The following HDAC9 variants were observed in gnomAD, a reference collection of about 807,000 sequenced individuals.
HDAC9 encodes histone deacetylase 9, also known as MEF-2 interacting transcription repressor (MITR) protein.
Under a neutral mutation model 139.4 loss-of-function variants are expected in HDAC9, and 41 were observed. The ratio of observed to expected loss-of-function variants is 0.29; its 90% CI spans 0.23 to 0.38. HDAC9 has a LOEUF of 0.38. HDAC9 is among the 10% of genes least tolerant of loss of function. The probability of loss-of-function intolerance (pLI) is 1.00; values close to 1 mark genes in which losing one functional copy is unlikely to be tolerated. For missense variants in HDAC9, 1,147 were observed against 1,297.0 expected (o/e 0.88, Z 1.78); for synonymous variants, 517 against 476.2 (o/e 1.09, Z -1.12).
At chr7:18,774,825 T>G (rs1406395443) in intron 16 of HDAC9, among the ~76,000 whole-genome samples, 2 of 152,072 alleles carry the variant, frequency 1.3e-5, no homozygotes, top group African/African-American at 4.8e-5. Context: ...AAACTTTTCC[T>G]TTGCATTCAC....
At chr7:18,528,728 C>T (rs1462991886) in intron 2 of HDAC9, among the ~76,000 whole-genome samples, 2 of 152,048 alleles carry the variant, frequency 1.3e-5, no homozygotes, top group Non-Finnish European at 1.5e-5. Flanking sequence ...GTGATAGATA[C>T]ATAAGGAGAC....
rs562842397 is a variant in HDAC9 at position 18,843,366 on chromosome 7, G to A, written c.2684+7369G>A. On this transcript the variant is annotated intron_variant, in intron 21 of 25. Transcript: ENST00000686413. Reference sequence around the variant, plus strand: ...GTGGAGCATTTTAAGGCCAGAAATAGCAGACATTTTGGACTGTCAAGGAGC... The same window carrying A: ...GTGGAGCATTTTAAGGCCAGAAATAACAGACATTTTGGACTGTCAAGGAGC... Among the ~76,000 whole-genome samples the A allele has an allele frequency of 2.3e-4, 35 of 152,156 alleles. No homozygotes were observed. In the South Asian group the frequency reaches 7.3e-3, roughly 32 times the overall value.
rs570290685 is a variant in HDAC9 at position 18,463,587 on chromosome 7, G to A, written c.-41-32675G>A. On this transcript the variant is annotated intron_variant, in intron 1 of 3. Transcript: ENST00000413509. ...TTGTTTGAATTTACTGAACCTCTTTGTTCTGCATATTTTTTCTATTTAAAT... is the reference window on the plus strand; with the variant it reads ...TTGTTTGAATTTACTGAACCTCTTTATTCTGCATATTTTTTCTATTTAAAT... Among the ~76,000 whole-genome samples the A allele has an allele frequency of 1.6e-4, 24 of 151,568 alleles. No homozygotes were observed. The South Asian group carries it at 4.8e-3, about 30-fold the overall frequency.
chr7:18,233,293 A>G (rs1793592117), intron 2 of HDAC9, among the ~76,000 whole-genome samples: 1 of 151,806 alleles, frequency 6.6e-6, no homozygotes, highest in African/African-American at 2.4e-5. Context: ...TTACACCTTT[A>G]CTCATTATTT....
chr7:18,530,350 C>T (rs1808498716), intron 2 of HDAC9, among the ~76,000 whole-genome samples: 1 of 152,016 alleles, frequency 6.6e-6, no homozygotes, highest in African/African-American at 2.4e-5. Flanking sequence ...GGAAGCTGTC[C>T]CCAGAGTTGA....
At chr7:18,376,604 C>G (rs988901121) in intron 1 of HDAC9, among the ~76,000 whole-genome samples, 3 of 152,146 alleles carry the variant, frequency 2.0e-5, no homozygotes, top group African/African-American at 7.2e-5. Context: ...ATGCAGACTT[C>G]TGGTTAATAA....
chr7:18,217,164 T>A (rs958880994), intron 2 of HDAC9, among the ~76,000 whole-genome samples: 9 of 152,168 alleles, frequency 5.9e-5, no homozygotes, highest in Non-Finnish European at 1.3e-4. Context: ...GCTGGGATGA[T>A]CTTTTAATTT....
chr7:18,814,282 G>A (rs1352588826), intron 17 of HDAC9, among the ~76,000 whole-genome samples: 1 of 151,948 alleles, frequency 6.6e-6, no homozygotes, highest in Non-Finnish European at 1.5e-5. Context: ...TACTTACAAG[G>A]TTTTCTACTG....
intron 2 of HDAC9, among the ~76,000 whole-genome samples, chr7:18,249,067 T>C (rs11769889): frequency 0.082 from 12,426 of 152,264 alleles, 700 homozygotes; most frequent in East Asian, 0.22. Flanking sequence ...AGGACAGTGC[T>C]ATTATACCAG....
At position 18,456,523 on chromosome 7, in the gene HDAC9, C is replaced by A. The variant is rs1475786432; in HGVS notation, c.-41-39739C>A. ...GTGCTGGGATTACAGGTGGTAGCAA[C>A]CAAGCCCAGCCCACCTTTAGTTTTT... On this transcript the variant is annotated intron_variant, in intron 1 of 3. Transcript: ENST00000413509. Among the ~76,000 whole-genome samples, 13 of 152,262 alleles carry A rather than the reference C, an allele frequency of 8.5e-5. No individual in the cohort carries two copies. The East Asian group carries it at 2.3e-3, about 27-fold the overall frequency.
At chr7:18,657,267 G>T (rs137866633) in intron 11 of HDAC9, among the ~76,000 whole-genome samples, 1 of 152,148 alleles carries the variant, frequency 6.6e-6, no homozygotes, top group African/African-American at 2.4e-5. Context: ...GTTGGTCACT[G>T]TGTTTAATTG....
At chr7:18,633,025 G>A (rs1238425913) in intron 7 of HDAC9, among the ~76,000 whole-genome samples, 4 of 151,986 alleles carry the variant, frequency 2.6e-5, no homozygotes, top group Non-Finnish European at 5.9e-5. Flanking sequence ...GAGGAATTTG[G>A]GCTGGAATTT....
At chr7:18,172,347 T>G (rs367962553) in intron 2 of HDAC9, among the ~76,000 whole-genome samples, 3 of 152,196 alleles carry the variant, frequency 2.0e-5, no homozygotes, top group African/African-American at 4.8e-5. Flanking sequence ...TCTTTCCTTC[T>G]TTATTAGTCT....
At chr7:18,300,432 G>A (rs1330940011) in intron 1 of HDAC9, among the ~76,000 whole-genome samples, 3 of 151,584 alleles carry the variant, frequency 2.0e-5, no homozygotes, top group Non-Finnish European at 4.4e-5. Flanking sequence ...ATACCTTCAT[G>A]AAGAAACAAT....
intron 2 of HDAC9, among the ~76,000 whole-genome samples, chr7:18,500,885 G>A (rs1374572308): frequency 6.6e-6 from 1 of 151,864 alleles, no homozygotes; most frequent in Non-Finnish European, 1.5e-5. Context: ...AGAATGAGAT[G>A]AGAAAGGAGA....
intron 23 of HDAC9, among the ~76,000 whole-genome samples, chr7:18,946,644 C>T (rs937240560): frequency 1.3e-5 from 2 of 151,930 alleles, no homozygotes; most frequent in African/African-American, 4.8e-5. Context: ...GTGTCTAAGA[C>T]AGCATGAAAA....
intron 1 of HDAC9, among the ~76,000 whole-genome samples, chr7:18,411,606 A>G (rs139085451): frequency 4.1e-3 from 627 of 152,148 alleles, no homozygotes; most frequent in Middle Eastern, 6.8e-3. Flanking sequence ...TGATCTCCTG[A>G]CCTCGTGATC....
intron 2 of HDAC9, among the ~76,000 whole-genome samples, chr7:18,257,369 A>ACTCTCTCT (rs146860772): frequency 1.8e-5 from 2 of 110,226 alleles, no homozygotes; most frequent in Non-Finnish European, 3.7e-5. Flanking sequence ...TGTCTCTCTG[A>ACTCTCTCT]CTCTCTCTCT....
rs539707111 is a variant in HDAC9, at chr7:18,169,887, C to T, written c.25+7538C>T. On this transcript the variant is annotated intron_variant, in intron 2 of 12. Transcript: ENST00000417496. Reference sequence around the variant, plus strand: ...ATGGACATTTAGATTGGTTCCAAGTCTTTGCTATTGCGAATAGTGCCGCAA... The same window carrying T: ...ATGGACATTTAGATTGGTTCCAAGTTTTTGCTATTGCGAATAGTGCCGCAA... 2.0e-5 allele frequency among the ~76,000 whole-genome samples: 3 copies of T among 152,284 alleles called. No individual in the cohort carries two copies. The South Asian group carries it at 6.2e-4, about 32-fold the overall frequency.
Sources: gnomAD v4.1 joint callset for allele counts (sites outside exome capture counted in the v4.1 genomes callset) on GRCh38, gnomAD v4.1.1 for gene constraint, MANE v1.5 for transcripts, NCBI Gene and HGNC (gene_info 2026-07-23, HGNC 2026-07-21) for gene names.